The following SSH2 variants were observed in gnomAD, a reference collection of about 807,000 sequenced individuals.
SSH2 encodes protein phosphatase Slingshot homolog 2.
Under a neutral mutation model 135.2 loss-of-function variants are expected in SSH2, and 37 were observed. The observed-to-expected ratio is 0.27, with a 90% CI of 0.21 to 0.36. SSH2 has a LOEUF of 0.36. SSH2 is among the 10% of genes least tolerant of loss of function. The pLI, the probability that SSH2 is intolerant of heterozygous loss-of-function variation, is 1.00. For synonymous variants in SSH2, 628 were observed against 646.2 expected (o/e 0.97, Z 0.43); for missense variants, 1,408 against 1,765.3 (o/e 0.80, Z 3.63).
At chr17:29,923,707 A>C (rs2067016003) in intron 1 of SSH2, among the ~76,000 whole-genome samples, 1 of 151,968 alleles carries the variant, frequency 6.6e-6, no homozygotes, top group Non-Finnish European at 1.5e-5. Flanking sequence ...ATGAGTTAAA[A>C]CTACTGAATG....
intron 3 of SSH2, among the ~76,000 whole-genome samples, chr17:29,757,096 A>G (rs776899696): frequency 2.0e-5 from 3 of 152,144 alleles, no homozygotes; most frequent in African/African-American, 7.2e-5. Flanking sequence ...CCCTCCCCCA[A>G]ATACAAAATC....
chr17:29,915,221 T>C (rs1226449049), intron 1 of SSH2, among the ~76,000 whole-genome samples: 2 of 152,198 alleles, frequency 1.3e-5, no homozygotes, highest in African/African-American at 4.8e-5. Context: ...CAAAGATCTC[T>C]TGTTATATTA....
chr17:29,674,376 T>C (rs1219344631), intron 8 of SSH2, among the ~76,000 whole-genome samples: 1 of 152,212 alleles, frequency 6.6e-6, no homozygotes, highest in Non-Finnish European at 1.5e-5. Flanking sequence ...GCCAGCTTAG[T>C]GTAACTTACA....
chr17:29,875,723 T>C (rs1038236126), intron 1 of SSH2, among the ~76,000 whole-genome samples: 1 of 152,136 alleles, frequency 6.6e-6, no homozygotes, highest in Non-Finnish European at 1.5e-5. Context: ...TCCTCAAACA[T>C]GCCAAACTCT....
At chr17:29,812,761 G>A (rs1239281788) in intron 2 of SSH2, among the ~76,000 whole-genome samples, 3 of 151,888 alleles carry the variant, frequency 2.0e-5, no homozygotes. Context: ...ATGGTGGCGG[G>A]CGCCTGTAGT....
chr17:29,848,063 T>G lies in SSH2; in HGVS notation c.144+786A>C, dbSNP rs567110641. On this transcript the variant is annotated intron_variant, in intron 2 of 15. Coordinates refer to ENST00000540801, the MANE Select transcript of SSH2 (RefSeq NM_001282129.2). ...CTGTCTAACACCACAGGTTTGCCCT[T>G]GATTTCTTTCCTGGTGAAACTAAGA... 2.1e-4 allele frequency among the ~76,000 whole-genome samples: 32 copies of G among 152,316 alleles called. No individual in the cohort carries two copies. In the South Asian group the frequency reaches 6.4e-3, roughly 31 times the overall value.
At chr17:29,724,630 C>T (rs1253461780) in intron 3 of SSH2, among the ~76,000 whole-genome samples, 4 of 142,526 alleles carry the variant, frequency 2.8e-5, no homozygotes, top group Non-Finnish European at 1.5e-5. Context: ...TCGCTCATTG[C>T]CCAGGCTGGA....
At chr17:29,656,483 C>T (rs904348539) in intron 11 of SSH2, among the ~76,000 whole-genome samples, 2 of 152,130 alleles carry the variant, frequency 1.3e-5, no homozygotes, top group African/African-American at 4.8e-5. Context: ...GCCGCTCACA[C>T]TCTTTTTAGT....
intron 5 of SSH2, among the ~76,000 whole-genome samples, chr17:29,691,711 C>T (rs2038484855): frequency 6.6e-6 from 1 of 151,682 alleles, no homozygotes; most frequent in South Asian, 2.1e-4. Context: ...AGGATGGTCT[C>T]GATCTCCTGA....
At position 29,627,991 on chromosome 17, in the gene SSH2, C is replaced by A. The variant is rs1367161530; in HGVS notation, c.*2850G>T. The A allele has an allele frequency of 1.3e-5, 2 of 152,120 alleles. No homozygotes were observed. Among genetic ancestry groups the A allele is most frequent in the Non-Finnish European group, 2.9e-5 (2 of 68,030 alleles). 9.4% of individuals were successfully genotyped at this position (152,120 alleles called of 1,614,324 possible). Reference sequence around the variant, plus strand: ...CACTGGGCAAGAGTCAAAGTTTTTCCTATTCATCTTTGCCAGTCTATCAAA... The same window carrying A: ...CACTGGGCAAGAGTCAAAGTTTTTCATATTCATCTTTGCCAGTCTATCAAA... On this transcript the variant is annotated 3_prime_UTR_variant, in exon 16 of 16. Transcript: ENST00000540801.
chr17:29,726,940 C>A lies in SSH2; in HGVS notation c.189-23878G>T, dbSNP rs79977718. Reference sequence around the variant, plus strand: ...TCCTCAGATTTGGATATCAAATCTCCCTTAATCTATCTACCGGCTGCCAGC... The same window carrying A: ...TCCTCAGATTTGGATATCAAATCTCACTTAATCTATCTACCGGCTGCCAGC... On this transcript the variant is annotated intron_variant, in intron 3 of 15. Transcript: ENST00000540801. Among the ~76,000 whole-genome samples the A allele has an allele frequency of 4.5e-3, 689 of 152,278 alleles. 8 individuals are homozygous for A. The highest frequency in any genetic ancestry group is 0.016 in the African/African-American group (651 of 41,546).
At chr17:29,656,284 C>A (rs548891153) in intron 11 of SSH2, among the ~76,000 whole-genome samples, 8 of 152,314 alleles carry the variant, frequency 5.3e-5, no homozygotes, top group African/African-American at 1.9e-4. Context: ...TCCAGCAATT[C>A]TCCTGCCTCA....
At chr17:29,841,256 A>T (rs1047460426) in intron 2 of SSH2, among the ~76,000 whole-genome samples, 26 of 152,230 alleles carry the variant, frequency 1.7e-4, no homozygotes, top group African/African-American at 5.5e-4. Flanking sequence ...ATTGTTATAC[A>T]TAAAAGCACA....
At chr17:29,799,030 A>C (rs2042206128) in intron 2 of SSH2, among the ~76,000 whole-genome samples, 1 of 152,206 alleles carries the variant, frequency 6.6e-6, no homozygotes, top group African/African-American at 2.4e-5. Context: ...TTGAGGGCTT[A>C]AAAACTGTGT....
chr17:29,776,283 C>T (rs2041698607), intron 3 of SSH2: 1 of 152,126 alleles, frequency 6.6e-6, no homozygotes, highest in South Asian at 2.1e-4. Flanking sequence ...GTCTCAAGAT[C>T]TTCCTTCAGG....
intron 14 of SSH2, among the ~76,000 whole-genome samples, chr17:29,643,547 G>C (rs1455504297): frequency 6.6e-6 from 1 of 152,036 alleles, no homozygotes; most frequent in African/African-American, 2.4e-5. Context: ...TAGCTGGGGT[G>C]AAGTGGCGTG....
rs181847509 is a variant in SSH2 at position 29,685,686 on chromosome 17, G to C, written c.358-1002C>G. Among the ~76,000 whole-genome samples, 299 of 151,410 alleles carry C rather than the reference G, an allele frequency of 2.0e-3. 1 individual carries two copies. Among genetic ancestry groups the C allele is most frequent in the African/African-American group, 7.0e-3 (289 of 41,326 alleles). On this transcript the variant is annotated intron_variant, in intron 5 of 15. Coordinates refer to ENST00000540801, the MANE Select transcript of SSH2 (RefSeq NM_001282129.2). ...CGCCTGTAATCCCAGCTACTTAGGAGGCTGAGGCAGGAGGATCACTGGAAC... is the reference window on the plus strand; with the variant it reads ...CGCCTGTAATCCCAGCTACTTAGGACGCTGAGGCAGGAGGATCACTGGAAC...
At chr17:29,912,156 C>G (rs1221047468) in intron 1 of SSH2, among the ~76,000 whole-genome samples, 1 of 152,138 alleles carries the variant, frequency 6.6e-6, no homozygotes, top group Admixed American at 6.6e-5. Context: ...CCTTTTACCC[C>G]TTTCTGCAAC....
At chr17:29,657,574 G>GT (rs764763821) in intron 11 of SSH2, among the ~76,000 whole-genome samples, 7,243 of 79,794 alleles carry the variant, frequency 0.091, 999 homozygotes, top group African/African-American at 0.16. Context: ...CGGCTACTTT[G>GT]TTTTTTTTTT....
Sources: allele counts gnomAD v4.1 joint callset (sites outside exome capture counted in the v4.1 genomes callset), GRCh38; gene constraint gnomAD v4.1.1; transcripts MANE v1.5; gene names NCBI Gene and HGNC (gene_info 2026-07-23, HGNC 2026-07-21).